The following CNTN3 variants were observed in gnomAD, a reference collection of about 807,000 sequenced individuals.
CNTN3 encodes the protein contactin-3.
A neutral mutation model predicts 119.1 loss-of-function variants in CNTN3; 60 were observed. The ratio of observed to expected loss-of-function variants is 0.50; its 90% CI spans 0.41 to 0.62. The LOEUF is 0.62. CNTN3 is among the 20% of genes least tolerant of loss of function. The pLI, the probability that CNTN3 is intolerant of heterozygous loss-of-function variation, is 0.00. For synonymous variants in CNTN3, 450 were observed against 438.7 expected (o/e 1.03, Z -0.32); for missense variants, 1,101 against 1,242.4 (o/e 0.89, Z 1.71).
At chr3:74,366,999 C>T (rs1003048219) in intron 8 of CNTN3, among the ~76,000 whole-genome samples, 1 of 148,556 alleles carries the variant, frequency 6.7e-6, no homozygotes, top group Non-Finnish European at 1.5e-5. Context: ...CATAGTAATA[C>T]TCTTCTTCTC....
At chr3:74,602,246 T>G (rs1466125941) in intron 1 of CNTN3, among the ~76,000 whole-genome samples, 1 of 129,940 alleles carries the variant, frequency 7.7e-6, no homozygotes, top group Non-Finnish European at 1.5e-5. Flanking sequence ...CAGTAAGCCA[T>G]GATCGCACCA....
intron 20 of CNTN3, among the ~76,000 whole-genome samples, chr3:74,273,322 C>T: frequency 6.6e-6 from 1 of 152,180 alleles, no homozygotes; most frequent in East Asian, 1.9e-4. Context: ...TAGACTGCAG[C>T]TCCGACTCGG....
chr3:74,355,523 C>T (rs1341016117), intron 11 of CNTN3, among the ~76,000 whole-genome samples: 3 of 151,946 alleles, frequency 2.0e-5, no homozygotes, highest in Non-Finnish European at 2.9e-5. Context: ...GGCAAGGTCT[C>T]GGTACACTGC....
At chr3:74,501,755 A>C (rs1258258882) in intron 2 of CNTN3, among the ~76,000 whole-genome samples, 1 of 150,044 alleles carries the variant, frequency 6.7e-6, no homozygotes, top group African/African-American at 2.5e-5. Flanking sequence ...TCTTTACCTG[A>C]TCATTACTTT....
intron 1 of CNTN3, among the ~76,000 whole-genome samples, chr3:74,592,752 C>A (rs1704726886): frequency 6.6e-6 from 1 of 152,002 alleles, no homozygotes; most frequent in Admixed American, 6.6e-5. Flanking sequence ...CTCTCTTGTT[C>A]TTAATAAACT....
At chr3:74,353,465 T>C (rs1316972592) in intron 11 of CNTN3, among the ~76,000 whole-genome samples, 1 of 152,158 alleles carries the variant, frequency 6.6e-6, no homozygotes, top group African/African-American at 2.4e-5. Context: ...ACTTTTAAAA[T>C]TAAGGCATAG....
At chr3:74,313,259 T>C (rs2106645210) in intron 13 of CNTN3, among the ~76,000 whole-genome samples, 1 of 152,032 alleles carries the variant, frequency 6.6e-6, no homozygotes, top group Non-Finnish European at 1.5e-5. Context: ...AAAGCAATTT[T>C]TGAAGCAATG....
chr3:74,299,131 C>T (rs1702402702), intron 17 of CNTN3, among the ~76,000 whole-genome samples: 1 of 151,902 alleles, frequency 6.6e-6, no homozygotes, highest in South Asian at 2.1e-4. Flanking sequence ...TCACTTGAAC[C>T]CAGGAGGTGG....
intron 1 of CNTN3, among the ~76,000 whole-genome samples, chr3:74,541,016 A>G (rs117028957): frequency 0.021 from 3,208 of 152,256 alleles, 55 homozygotes; most frequent in East Asian, 0.066. Context: ...GTAACATCAA[A>G]TATTACTGAA....
chr3:74,334,419 T>G (rs1559551862), intron 13 of CNTN3, among the ~76,000 whole-genome samples: 1 of 152,186 alleles, frequency 6.6e-6, no homozygotes, highest in Admixed American at 6.5e-5. Context: ...ATATGTGTCA[T>G]GTTGAAAACA....
chr3:74,400,270 T>C (rs773745710), intron 5 of CNTN3, among the ~76,000 whole-genome samples: 58 of 152,220 alleles, frequency 3.8e-4, no homozygotes, highest in Non-Finnish European at 1.0e-4. Flanking sequence ...CTCATTTGTT[T>C]ATCTTCAAAC....
chr3:74,313,042 G>A, intron 13 of CNTN3, among the ~76,000 whole-genome samples: 1 of 150,824 alleles, frequency 6.6e-6, no homozygotes, highest in Admixed American at 6.6e-5. Context: ...CAGATATAAG[G>A]AACGACTTGG....
intron 11 of CNTN3, among the ~76,000 whole-genome samples, chr3:74,351,387 A>C (rs1388818675): frequency 2.0e-5 from 3 of 152,252 alleles, no homozygotes; most frequent in East Asian, 3.9e-4. Flanking sequence ...AATGCCACCC[A>C]CGAGGCTGAC....
rs1037033747 is a variant in CNTN3, at chr3:74,262,984, C to T, written c.*1417G>A. On this transcript the variant is annotated 3_prime_UTR_variant, in exon 23 of 23. Coordinates refer to ENST00000263665, the MANE Select transcript of CNTN3 (RefSeq NM_020872.3). ...TGTAATCTCTAAATGTAAAATAGTGCTTTATGGTGATATCAGAATTTCCCT... is the reference window on the plus strand; with the variant it reads ...TGTAATCTCTAAATGTAAAATAGTGTTTTATGGTGATATCAGAATTTCCCT... The T allele has an allele frequency of 2.0e-5, 3 of 151,932 alleles. No homozygotes were observed. The highest frequency in any genetic ancestry group is 7.2e-5 in the African/African-American group (3 of 41,388). The allele number at this position is 151,932 out of a possible 1,614,324, so 9.4% of individuals were successfully genotyped here. A position where few individuals can be genotyped will look rare whatever the true frequency, so the allele number is the denominator to read the frequency against.
At chr3:74,307,280 T>A (rs561791481) in intron 13 of CNTN3, among the ~76,000 whole-genome samples, 1 of 152,312 alleles carries the variant, frequency 6.6e-6, no homozygotes, top group East Asian at 1.9e-4. Context: ...CATATTTACA[T>A]CTTAATGACA....
intron 4 of CNTN3, among the ~76,000 whole-genome samples, chr3:74,459,711 T>A (rs1442113896): frequency 6.6e-6 from 1 of 152,000 alleles, no homozygotes; most frequent in Non-Finnish European, 1.5e-5. Flanking sequence ...TAGTTATCAG[T>A]TAAAATCTGT....
intron 19 of CNTN3, among the ~76,000 whole-genome samples, chr3:74,289,418 C>T (rs1010916331): frequency 6.6e-6 from 1 of 152,120 alleles, no homozygotes; most frequent in African/African-American, 2.4e-5. Context: ...CAAGAAAGTC[C>T]CATTTTCCCA....
At chr3:74,502,073 T>C (rs980310413) in intron 2 of CNTN3, among the ~76,000 whole-genome samples, 16 of 152,164 alleles carry the variant, frequency 1.1e-4, no homozygotes, top group African/African-American at 3.9e-4. Context: ...TTTTCTAGTG[T>C]AATAGCTTCT....
At chr3:74,531,588 G>A (rs895394674) in intron 1 of CNTN3, among the ~76,000 whole-genome samples, 1 of 151,930 alleles carries the variant, frequency 6.6e-6, no homozygotes, top group Admixed American at 6.6e-5. Context: ...GAGAGTGAGA[G>A]AAATGACTCG....
Sources: allele counts gnomAD v4.1 joint callset (sites outside exome capture counted in the v4.1 genomes callset), GRCh38; gene constraint gnomAD v4.1.1; transcripts MANE v1.5; gene names NCBI Gene and HGNC (gene_info 2026-07-23, HGNC 2026-07-21).